WASF1: variants seen among roughly 807,000 people sequenced by gnomAD.
The protein encoded by WASF1 is actin-binding protein WASF1.
Under a neutral mutation model 50.5 loss-of-function variants are expected in WASF1, and 7 were observed. The ratio of observed to expected loss-of-function variants is 0.14; its 90% CI spans 0.08 to 0.26. The LOEUF is 0.26. Among genes scored for constraint, WASF1 ranks in the 10% least tolerant of loss-of-function variants. WASF1 has a pLI of 1.00. For synonymous variants in WASF1, 205 were observed against 244.0 expected (o/e 0.84, Z 1.49); for missense variants, 470 against 694.7 (o/e 0.68, Z 3.64).
Position 110,100,361 on chromosome 6 carries a change from T to C in WASF1, c.*161A>G. The C allele has an allele frequency of 1.5e-6, 1 of 668,642 alleles. No individual in the cohort carries two copies. The highest frequency in any genetic ancestry group is 2.3e-6 in the Non-Finnish European group (1 of 429,334). The allele number at this position is 668,642 out of a possible 1,614,324, so 41.4% of individuals were successfully genotyped here. A position where few individuals can be genotyped will look rare whatever the true frequency, so the allele number is the denominator to read the frequency against. On this transcript the variant is annotated 3_prime_UTR_variant, in exon 11 of 11. Transcript: ENST00000392589. ...ACTGTAAAACATTTAGTTTGAAATG[T>C]ATGCTAATATTTTCCTTAGAAATCA...
intron 3 of WASF1, among the ~76,000 whole-genome samples, chr6:110,137,801 AG>A (rs1775035182): frequency 6.6e-6 from 1 of 152,276 alleles, no homozygotes; most frequent in African/African-American, 2.4e-5. Context: ...AAGAAAAGCC[AG>A]GTGGAAAAGA....
At chr6:110,137,750 C>T (rs1775033180) in intron 3 of WASF1, among the ~76,000 whole-genome samples, 1 of 152,268 alleles carries the variant, frequency 6.6e-6, no homozygotes, top group Admixed American at 6.5e-5. Context: ...TAAGCATACT[C>T]TTTAAAATCA....
chr6:110,115,377 AAAGAAGGCCAAAAG>A (rs1773756376), intron 4 of WASF1, among the ~76,000 whole-genome samples: 1 of 152,172 alleles, frequency 6.6e-6, no homozygotes, highest in Admixed American at 6.5e-5. Context: ...CTTGAAGGAA[AAAGAAGGCCAAAAG>A]AAGAAGGCAA....
Position 110,144,473 on chromosome 6 carries a change from T to A in WASF1, c.-29+16162A>T, listed in dbSNP as rs568228972. 2.0e-5 allele frequency among the ~76,000 whole-genome samples: 3 copies of A among 152,364 alleles called. No homozygotes were observed. The South Asian group carries it at 6.2e-4, about 32-fold the overall frequency. Reference sequence around the variant, plus strand: ...GCAGAAGCTCTTTAGTTTCATTAGATCCCATTTGTCAATTCTGGCTTTTGT... The same window carrying A: ...GCAGAAGCTCTTTAGTTTCATTAGAACCCATTTGTCAATTCTGGCTTTTGT... On this transcript the variant is annotated intron_variant, in intron 3 of 10. Transcript: ENST00000392589.
intron 2 of WASF1, among the ~76,000 whole-genome samples, chr6:110,174,316 T>C (rs1041110429): frequency 1.3e-5 from 2 of 152,156 alleles, no homozygotes; most frequent in Non-Finnish European, 2.9e-5. Flanking sequence ...GTTCAACACC[T>C]GTTTTTTACT....
chr6:110,118,861 A>G (rs1445278822), intron 4 of WASF1, among the ~76,000 whole-genome samples: 1 of 152,210 alleles, frequency 6.6e-6, no homozygotes, highest in Non-Finnish European at 1.5e-5. Flanking sequence ...TCACAGTGCA[A>G]TTGAATTAGA....
At chr6:110,145,568 T>C (rs1359919444) in intron 3 of WASF1, among the ~76,000 whole-genome samples, 5 of 152,124 alleles carry the variant, frequency 3.3e-5, no homozygotes, top group African/African-American at 1.2e-4. Flanking sequence ...CCAGTTTTTG[T>C]CCATTCAGTA....
chr6:110,112,910 CA>C (rs947232810), intron 5 of WASF1, among the ~76,000 whole-genome samples: 5 of 113,570 alleles, frequency 4.4e-5, no homozygotes, highest in Non-Finnish European at 3.6e-5. Flanking sequence ...AAAAAAAAAA[CA>C]AAAAAAAAAC....
chr6:110,164,496 G>T (rs909009611), intron 2 of WASF1, among the ~76,000 whole-genome samples: 3 of 151,606 alleles, frequency 2.0e-5, no homozygotes, highest in African/African-American at 4.8e-5. Flanking sequence ...GTAGGGAATT[G>T]CAAATTAAAA....
chr6:110,129,366 G>A (rs1303302986), intron 3 of WASF1, among the ~76,000 whole-genome samples: 1 of 152,214 alleles, frequency 6.6e-6, no homozygotes, highest in Non-Finnish European at 1.5e-5. Flanking sequence ...CATAAGTGGA[G>A]TAACAGATGA....
At chr6:110,147,932 A>T (rs1044243706) in intron 3 of WASF1, among the ~76,000 whole-genome samples, 1 of 152,118 alleles carries the variant, frequency 6.6e-6, no homozygotes, top group South Asian at 2.1e-4. Context: ...TTTTTTGAAG[A>T]GACGAGATTT....
intron 3 of WASF1, among the ~76,000 whole-genome samples, chr6:110,149,154 C>G (rs1584002753): frequency 6.6e-6 from 1 of 152,094 alleles, no homozygotes; most frequent in Admixed American, 6.5e-5. Flanking sequence ...AGTTTTAAAG[C>G]CAAAATTAAT....
chr6:110,137,134 C>T (rs1284021971), intron 3 of WASF1, among the ~76,000 whole-genome samples: 2 of 152,106 alleles, frequency 1.3e-5, no homozygotes, highest in Admixed American at 1.3e-4. Flanking sequence ...AATTCCAGTT[C>T]ATATCTCTCT....
intron 2 of WASF1, among the ~76,000 whole-genome samples, chr6:110,170,351 T>C (rs893430431): frequency 6.6e-6 from 1 of 152,016 alleles, no homozygotes; most frequent in African/African-American, 2.4e-5. Context: ...GCCTCCCAAG[T>C]AGCTGGGACT....
At chr6:110,154,969 T>A (rs1240601851) in intron 3 of WASF1, among the ~76,000 whole-genome samples, 1 of 151,994 alleles carries the variant, frequency 6.6e-6, no homozygotes, top group Non-Finnish European at 1.5e-5. Context: ...TAAAAGGACA[T>A]AATATGCTAA....
At chr6:110,169,695 GCCCA>G (rs1776619351) in intron 2 of WASF1, among the ~76,000 whole-genome samples, 1 of 152,098 alleles carries the variant, frequency 6.6e-6, no homozygotes, top group Non-Finnish European at 1.5e-5. Context: ...TCAGGGGTAA[GCCCA>G]AGGCAGTTAA....
intron 3 of WASF1, among the ~76,000 whole-genome samples, chr6:110,148,514 A>G (rs758402127): frequency 6.6e-6 from 1 of 152,194 alleles, no homozygotes; most frequent in East Asian, 1.9e-4. Flanking sequence ...GTGTGTTTTC[A>G]TTCTTAGAAT....
intron 2 of WASF1, among the ~76,000 whole-genome samples, chr6:110,171,261 A>G (rs1446274188): frequency 6.6e-6 from 1 of 152,170 alleles, no homozygotes; most frequent in Non-Finnish European, 1.5e-5. Context: ...ATTAAACCAG[A>G]AAGCAATCTC....
intron 3 of WASF1, among the ~76,000 whole-genome samples, chr6:110,148,679 T>C (rs1395557081): frequency 6.6e-6 from 1 of 152,174 alleles, no homozygotes; most frequent in African/African-American, 2.4e-5. Context: ...TGAAGGGTTT[T>C]AAGCAAAGGA....
Sources: gnomAD v4.1 joint callset for allele counts (sites outside exome capture counted in the v4.1 genomes callset) on GRCh38, gnomAD v4.1.1 for gene constraint, MANE v1.5 for transcripts, NCBI Gene and HGNC (gene_info 2026-07-23, HGNC 2026-07-21) for gene names.